ZNF804B: variants seen among roughly 807,000 people sequenced by gnomAD.
ZNF804B encodes the protein zinc finger 804B.
Under a neutral mutation model 101.4 loss-of-function variants are expected in ZNF804B, and 80 were observed. That is an observed-to-expected ratio of 0.79 (90% CI 0.66 to 0.95). ZNF804B has a LOEUF of 0.95. ZNF804B is among the 40% of genes least tolerant of loss of function. The pLI is 0.00. For synonymous variants in ZNF804B, 622 were observed against 558.8 expected (o/e 1.11, Z -1.59); for missense variants, 1,673 against 1,561.9 (o/e 1.07, Z -1.20).
chr7:88,864,661 C>T (rs938765253), intron 1 of ZNF804B, among the ~76,000 whole-genome samples: 2 of 152,112 alleles, frequency 1.3e-5, no homozygotes, highest in African/African-American at 4.8e-5. Context: ...TCAACTGGCC[C>T]CACGGGTACC....
At chr7:89,326,116 A>G (rs1790892066) in intron 2 of ZNF804B, among the ~76,000 whole-genome samples, 1 of 152,036 alleles carries the variant, frequency 6.6e-6, no homozygotes, top group Non-Finnish European at 1.5e-5. Flanking sequence ...ATAGAGCATA[A>G]TTATATTTCT....
At chr7:88,968,065 CA>C (rs1012877887) in intron 1 of ZNF804B, among the ~76,000 whole-genome samples, 14 of 151,004 alleles carry the variant, frequency 9.3e-5, no homozygotes, top group Non-Finnish European at 1.2e-4. Context: ...TCTAACCTTT[CA>C]AAAAAAATTC....
intron 1 of ZNF804B, among the ~76,000 whole-genome samples, chr7:88,959,170 A>G (rs1044050943): frequency 6.6e-6 from 1 of 151,294 alleles, no homozygotes; most frequent in African/African-American, 2.4e-5. Flanking sequence ...GGTAAGATTC[A>G]TGTTTCTTTC....
At chr7:88,842,240 A>G (rs1432461113) in intron 1 of ZNF804B, among the ~76,000 whole-genome samples, 1 of 152,150 alleles carries the variant, frequency 6.6e-6, no homozygotes, top group Non-Finnish European at 1.5e-5. Flanking sequence ...TGTCCTCATC[A>G]ATTGTACAAA....
chr7:88,824,492 G>T (rs1791027496), intron 1 of ZNF804B, among the ~76,000 whole-genome samples: 1 of 152,114 alleles, frequency 6.6e-6, no homozygotes, highest in East Asian at 1.9e-4. Context: ...TCTTTTGTGA[G>T]TTATCCAGTC....
chr7:89,056,140 G>C (rs924010429), intron 1 of ZNF804B, among the ~76,000 whole-genome samples: 8 of 152,092 alleles, frequency 5.3e-5, no homozygotes, highest in African/African-American at 1.7e-4. Flanking sequence ...CAGAGTGCCA[G>C]TCTTTGGGAT....
chr7:88,828,273 T>C (rs1293130244), intron 1 of ZNF804B, among the ~76,000 whole-genome samples: 1 of 152,168 alleles, frequency 6.6e-6, no homozygotes, highest in Non-Finnish European at 1.5e-5. Flanking sequence ...TAACTTTATA[T>C]ATTTAGGGTA....
intron 1 of ZNF804B, among the ~76,000 whole-genome samples, chr7:88,869,769 A>G (rs1403110145): frequency 1.3e-5 from 2 of 152,096 alleles, no homozygotes; most frequent in Non-Finnish European, 2.9e-5. Flanking sequence ...TAGACTTGCA[A>G]GTATTACTGA....
At chr7:89,120,114 A>G (rs887777174) in intron 1 of ZNF804B, among the ~76,000 whole-genome samples, 1 of 152,094 alleles carries the variant, frequency 6.6e-6, no homozygotes, top group Admixed American at 6.5e-5. Context: ...ACCTTTATCT[A>G]TCCATTTAAA....
chr7:89,038,606 C>G (rs1330822184), intron 1 of ZNF804B, among the ~76,000 whole-genome samples: 1 of 152,062 alleles, frequency 6.6e-6, no homozygotes, highest in Non-Finnish European at 1.5e-5. Context: ...TTTGCTCATT[C>G]TGTAGGATGT....
At chr7:89,074,652 T>C (rs1177439476) in intron 1 of ZNF804B, among the ~76,000 whole-genome samples, 3 of 152,094 alleles carry the variant, frequency 2.0e-5, no homozygotes, top group Non-Finnish European at 2.9e-5. Context: ...ACTAATACAG[T>C]AAATTGGTAC....
At chr7:89,321,069 A>G (rs776059439) in intron 2 of ZNF804B, among the ~76,000 whole-genome samples, 3 of 152,226 alleles carry the variant, frequency 2.0e-5, no homozygotes, top group African/African-American at 4.8e-5. Context: ...TTTACCATGT[A>G]TACTGAAATG....
intron 1 of ZNF804B, among the ~76,000 whole-genome samples, chr7:88,778,340 C>A (rs934010919): frequency 6.6e-6 from 1 of 152,152 alleles, no homozygotes; most frequent in African/African-American, 2.4e-5. Context: ...CTTGGATAAG[C>A]CAGGATACTC....
intron 2 of ZNF804B, among the ~76,000 whole-genome samples, chr7:89,287,205 G>A (rs1256083629): frequency 6.6e-6 from 1 of 152,140 alleles, no homozygotes; most frequent in Non-Finnish European, 1.5e-5. Flanking sequence ...CTGGTAAAGA[G>A]TAGGCTATTA....
chr7:88,844,487 C>T (rs958718925), intron 1 of ZNF804B, among the ~76,000 whole-genome samples: 5 of 152,178 alleles, frequency 3.3e-5, no homozygotes, highest in African/African-American at 1.2e-4. Flanking sequence ...TGTTTCTCTA[C>T]TCCCTGTATT....
intron 1 of ZNF804B, among the ~76,000 whole-genome samples, chr7:89,050,127 C>T (rs1341271848): frequency 3.3e-5 from 5 of 152,068 alleles, no homozygotes; most frequent in Non-Finnish European, 7.4e-5. Context: ...AAAGTACTAA[C>T]GCTTTCTATT....
intron 1 of ZNF804B, among the ~76,000 whole-genome samples, chr7:88,948,306 A>ATTTTTTTTTTTTTTTTTTTTTTTTTTTTT (rs68069374): frequency 1.1e-5 from 1 of 92,704 alleles, no homozygotes. Context: ...CCACCCATCC[A>ATTTTTTTTTTTTTTTTTTTTTTTTTTTTT]TTTTTTTTTT....
intron 1 of ZNF804B, among the ~76,000 whole-genome samples, chr7:88,991,684 C>T (rs1279497178): frequency 6.6e-6 from 1 of 152,174 alleles, no homozygotes; most frequent in Non-Finnish European, 1.5e-5. Context: ...AGCAGTAACA[C>T]TGCCACTTCA....
chr7:89,279,312 C>T (rs1453163494), intron 2 of ZNF804B, among the ~76,000 whole-genome samples: 1 of 151,842 alleles, frequency 6.6e-6, no homozygotes, highest in African/African-American at 2.4e-5. Flanking sequence ...GACAATTTGA[C>T]TTCCTCTTTT....
Sources: allele counts gnomAD v4.1 joint callset (sites outside exome capture counted in the v4.1 genomes callset), GRCh38; gene constraint gnomAD v4.1.1; transcripts MANE v1.5; gene names NCBI Gene and HGNC (gene_info 2026-07-23, HGNC 2026-07-21).